The following FBXL17 variants were observed in gnomAD, a reference collection of about 807,000 sequenced individuals.
The protein encoded by FBXL17 is F-box/LRR-repeat protein 17.
Under a neutral mutation model 66.2 loss-of-function variants are expected in FBXL17, and 22 were observed. That is an observed-to-expected ratio of 0.33 (90% CI 0.24 to 0.47). The LOEUF is 0.47. Among genes scored for constraint, FBXL17 ranks in the 20% least tolerant of loss-of-function variants. The pLI is 1.00. For synonymous variants in FBXL17, 474 were observed against 400.5 expected (o/e 1.18, Z -2.19); for missense variants, 878 against 948.2 (o/e 0.93, Z 0.97).
At chr5:108,354,917 C>T (rs1561548768) in intron 3 of FBXL17, among the ~76,000 whole-genome samples, 1 of 151,716 alleles carries the variant, frequency 6.6e-6, no homozygotes, top group Non-Finnish European at 1.5e-5. Context: ...TATTCTATAG[C>T]CTGTGAAATT....
chr5:108,232,094 C>T (rs557704378), intron 4 of FBXL17, among the ~76,000 whole-genome samples: 2 of 152,326 alleles, frequency 1.3e-5, no homozygotes, highest in East Asian at 3.9e-4. Context: ...AGGACTGTAA[C>T]TGTTATGAGT....
At chr5:108,146,179 C>T (rs1340387608) in intron 6 of FBXL17, among the ~76,000 whole-genome samples, 3 of 151,680 alleles carry the variant, frequency 2.0e-5, no homozygotes, top group African/African-American at 7.3e-5. Context: ...TTGCAGTGAG[C>T]CGAGATGGCA....
intron 4 of FBXL17, among the ~76,000 whole-genome samples, chr5:108,318,121 A>C (rs1403843553): frequency 6.6e-6 from 1 of 151,638 alleles, no homozygotes; most frequent in Non-Finnish European, 1.5e-5. Flanking sequence ...ATGTTTCCTA[A>C]TATAAAAGGA....
intron 6 of FBXL17, among the ~76,000 whole-genome samples, chr5:108,110,677 T>C (rs1749998019): frequency 6.6e-6 from 1 of 152,152 alleles, no homozygotes; most frequent in Admixed American, 6.5e-5. Context: ...TAAAAATTTG[T>C]TATTTTTTAT....
At chr5:108,009,232 T>TATATATATATATAC (rs1298294744) in intron 7 of FBXL17, among the ~76,000 whole-genome samples, 1 of 18,998 alleles carries the variant, frequency 5.3e-5, no homozygotes, top group African/African-American at 1.9e-4. Flanking sequence ...TATATATATA[T>TATATATATATATAC]ACAGCTTGGT....
intron 7 of FBXL17, among the ~76,000 whole-genome samples, chr5:107,923,138 G>T (rs149688099): frequency 6.6e-6 from 1 of 152,278 alleles, no homozygotes; most frequent in African/African-American, 2.4e-5. Flanking sequence ...GTATGTTGTG[G>T]GGAGGAGGAG....
chr5:108,024,074 C>G (rs1041093137), intron 6 of FBXL17, among the ~76,000 whole-genome samples: 1 of 152,090 alleles, frequency 6.6e-6, no homozygotes, highest in Non-Finnish European at 1.5e-5. Context: ...ACCCCTTGTC[C>G]CCATCACTCC....
At chr5:108,306,260 T>C (rs138110219) in intron 4 of FBXL17, among the ~76,000 whole-genome samples, 1 of 152,074 alleles carries the variant, frequency 6.6e-6, no homozygotes, top group Admixed American at 6.6e-5. Context: ...AAAGACTTAA[T>C]CAATGATGCT....
At chr5:108,204,145 A>G (rs1754012565) in intron 5 of FBXL17, among the ~76,000 whole-genome samples, 1 of 152,080 alleles carries the variant, frequency 6.6e-6, no homozygotes, top group South Asian at 2.1e-4. Flanking sequence ...AATAAATATT[A>G]TAAATATAAA....
chr5:108,049,294 C>A (rs1254735043), intron 6 of FBXL17, among the ~76,000 whole-genome samples: 1 of 151,964 alleles, frequency 6.6e-6, no homozygotes, highest in Non-Finnish European at 1.5e-5. Flanking sequence ...AGGCACCCAC[C>A]ACCACACCCA....
chr5:108,214,319 T>A (rs937391973), intron 5 of FBXL17, among the ~76,000 whole-genome samples: 9 of 152,130 alleles, frequency 5.9e-5, no homozygotes, highest in Middle Eastern at 3.4e-3. Flanking sequence ...AGTAGAATAT[T>A]TTAATTTTCA....
intron 7 of FBXL17, among the ~76,000 whole-genome samples, chr5:107,995,091 G>C (rs188985223): frequency 6.6e-6 from 1 of 152,138 alleles, no homozygotes; most frequent in East Asian, 1.9e-4. Flanking sequence ...ACTGAACTGC[G>C]TACTTATGAT....
chr5:108,108,486 G>T (rs749264049), intron 6 of FBXL17, among the ~76,000 whole-genome samples: 10 of 152,166 alleles, frequency 6.6e-5, no homozygotes, highest in African/African-American at 2.4e-4. Flanking sequence ...TATCTAGCAC[G>T]TTTAAAGGTT....
At chr5:108,298,168 C>T (rs891396932) in intron 4 of FBXL17, 3 of 975,678 alleles carry the variant, frequency 3.1e-6, no homozygotes, top group African/African-American at 1.8e-5. Context: ...CATAAAGTAC[C>T]CTAGAAATTC....
chr5:107,932,174 T>C (rs1212176739), intron 7 of FBXL17, among the ~76,000 whole-genome samples: 1 of 152,184 alleles, frequency 6.6e-6, no homozygotes, highest in African/African-American at 2.4e-5. Flanking sequence ...CATTTAGTAC[T>C]TTGCACATTA....
intron 7 of FBXL17, among the ~76,000 whole-genome samples, chr5:107,961,317 C>G (rs1319208553): frequency 6.6e-6 from 1 of 151,858 alleles, no homozygotes; most frequent in Non-Finnish European, 1.5e-5. Flanking sequence ...CTTGACCTCC[C>G]AGGCTCAAGA....
intron 7 of FBXL17, among the ~76,000 whole-genome samples, chr5:107,989,978 C>T (rs1282112625): frequency 1.3e-5 from 2 of 152,142 alleles, no homozygotes; most frequent in African/African-American, 4.8e-5. Context: ...TCTTCTCTTC[C>T]CCTAACCCCT....
At chr5:107,959,584 T>G (rs1316733380) in intron 7 of FBXL17, among the ~76,000 whole-genome samples, 1 of 152,178 alleles carries the variant, frequency 6.6e-6, no homozygotes, top group Non-Finnish European at 1.5e-5. Context: ...GTGAAAAGCA[T>G]GCTAACCACC....
intron 6 of FBXL17, among the ~76,000 whole-genome samples, chr5:108,146,989 T>C (rs191569142): frequency 7.9e-4 from 121 of 152,254 alleles, no homozygotes; most frequent in African/African-American, 2.8e-3. Flanking sequence ...CTGATGAAGG[T>C]TCTCTCTCTG....
Sources: allele counts gnomAD v4.1 joint callset (sites outside exome capture counted in the v4.1 genomes callset), GRCh38; gene constraint gnomAD v4.1.1; transcripts MANE v1.5; gene names NCBI Gene and HGNC (gene_info 2026-07-23, HGNC 2026-07-21).